ZNF786: variants seen among roughly 807,000 people sequenced by gnomAD.
ZNF786 encodes the protein zinc finger protein 786.
ZNF786 carries 56 observed loss-of-function variants against 63.1 expected under a neutral mutation model. The observed-to-expected ratio is 0.89, with a 90% confidence interval of 0.72 to 1.11. The LOEUF (loss-of-function observed/expected upper bound fraction) is 1.11. ZNF786 is among the 50% of genes least tolerant of loss of function. ZNF786 has a pLI of 0.00. For synonymous variants in ZNF786, 485 were observed against 406.9 expected, an observed-to-expected ratio of 1.19 and a Z score of -2.31; for missense variants, 1,213 against 1,041.8, an observed-to-expected ratio of 1.16 and a Z score of -2.26.
chr7:149,077,606 C>T (rs1478910242), intron 2 of ZNF786, among the ~76,000 whole-genome samples: 3 of 151,706 alleles, frequency 2.0e-5, no homozygotes, highest in South Asian at 2.1e-4. Flanking sequence ...CCAGCCTGGG[C>T]GACAGAGGGA....
rs1390531161 is a variant in ZNF786 at position 149,074,417 on chromosome 7, A to C, written c.267T>G (p.Phe89Leu). Reference protein sequence around the residue: ...NIICSSVDMHFDPGFEEQLFW... With the variant: ...NIICSSVDMHLDPGFEEQLFW... ...ACAGCTGTTCCTCAAAACCTGGATC[A>C]AAATGCATATCAACAGAGGAGCAAA... The change falls in exon 3 of 4, where the codon TTT becomes TTG. Residue 89 changes from phenylalanine (F) to leucine (L), a missense_variant. Phe to Leu is a conservative substitution (Grantham distance 22, BLOSUM62 0). Transcript: ENST00000491431. 1 of 1,613,944 alleles carries C rather than the reference A, an allele frequency of 6.2e-7. No individual in the cohort carries two copies. Among genetic ancestry groups the C allele is most frequent in the East Asian group, 2.2e-5 (1 of 44,884 alleles).
intron 2 of ZNF786, 63 bp from the exon 3 acceptor site, chr7:149,074,601 A>C (rs1047595075): frequency 5.3e-5 from 82 of 1,539,792 alleles, no homozygotes; most frequent in Non-Finnish European, 6.9e-5. Flanking sequence ...TAAGTTTCTA[A>C]ATTTCTCAAC....
chr7:149,073,765 ATATATATATATATATG>A (rs1232668833), intron 3 of ZNF786, among the ~76,000 whole-genome samples: 328 of 108,600 alleles, frequency 3.0e-3, no homozygotes, highest in African/African-American at 8.1e-3. Flanking sequence ...ATATATATAT[ATATATATATATATATG>A]TATATATATA....
chr7:149,080,858 T>A (rs1380421121), intron 1 of ZNF786, 141 bp from the exon 2 acceptor site: 1 of 918,196 alleles, frequency 1.1e-6, no homozygotes, highest in Non-Finnish European at 1.6e-6. Context: ...GAACTACTCC[T>A]TCCTCTACTC....
rs200037643 is a variant in ZNF786, at chr7:149,070,446, T to C, written c.2326A>G (p.Met776Val). ...IKKRLSQLFA[M>V]IEADWS is the part of the protein sequence containing the mutation. ...CCTCAACTCCAATCGGCCTCTATCA[T>C]TGCAAACAGTTGGCTGAGCCTTTTC... Residue 776 changes from methionine to valine, a missense_variant, in exon 4 of 4, where the codon ATG (methionine) becomes GTG (valine). Met to Val is a conservative substitution (Grantham distance 21, BLOSUM62 1). Coordinates refer to ENST00000491431, the MANE Select transcript of ZNF786 (RefSeq NM_152411.4). 3.0e-5 allele frequency: 49 copies of C among 1,613,660 alleles called. No individual in the cohort carries two copies. Among genetic ancestry groups the C allele is most frequent in the African/African-American group, 8.0e-5 (6 of 74,934 alleles).
In ZNF786 at chr7:149,071,389, G is replaced by A; in HGVS notation, c.1383C>T (p.Asn461=). 3 of 1,613,224 alleles carry A rather than the reference G, an allele frequency of 1.9e-6. No individual in the cohort carries two copies. The highest frequency in any genetic ancestry group is 2.7e-5 in the African/African-American group (2 of 74,992). The change falls in exon 4 of 4, where the codon AAC becomes AAT. Residue 461 remains asparagine (N), a synonymous_variant. Coordinates refer to ENST00000491431, the MANE Select transcript of ZNF786 (RefSeq NM_152411.4). ...GCAGCAGCTGTCCCCTCTGACGGAA[G>A]TTCCTGCCACACTTGGCACACCGGA... ...KPFRCAKCGR[N]FRQRGQLLRH... is the part of the protein sequence containing the mutation.
At chr7:149,081,293 G>A (rs1013255754) in intron 1 of ZNF786, 42 of 385,740 alleles carry the variant, frequency 1.1e-4, no homozygotes, top group African/African-American at 6.1e-4. Flanking sequence ...AAAATTAGCC[G>A]GGTGTGGTGG....
intron 1 of ZNF786, among the ~76,000 whole-genome samples, chr7:149,083,108 G>A (rs535977845): frequency 1.3e-5 from 2 of 152,286 alleles, no homozygotes; most frequent in African/African-American, 4.8e-5. Flanking sequence ...ATGTTGGCCA[G>A]GCTGGTCTTG....
intron 2 of ZNF786, among the ~76,000 whole-genome samples, chr7:149,075,017 A>G (rs1825519486): frequency 6.6e-6 from 1 of 151,742 alleles, no homozygotes; most frequent in Non-Finnish European, 1.5e-5. Flanking sequence ...TTTAGTGGAG[A>G]CGGGTTTCAC....
intron 1 of ZNF786, among the ~76,000 whole-genome samples, chr7:149,090,139 G>C (rs919988867): frequency 2.6e-5 from 4 of 152,106 alleles, no homozygotes; most frequent in African/African-American, 9.7e-5. Flanking sequence ...TCTTCCCAAC[G>C]TATCATCTTA....
intron 1 of ZNF786, among the ~76,000 whole-genome samples, chr7:149,089,902 T>A (rs1359026672): frequency 1.2e-4 from 17 of 147,820 alleles, no homozygotes; most frequent in Non-Finnish European, 2.3e-4. Flanking sequence ...TTTAGTAGAG[T>A]TGGGGTTTCA....
chr7:149,070,831 C>A lies in ZNF786; in HGVS notation c.1941G>T (p.Met647Ile), dbSNP rs775537628. ...CCTTGCCGCACTCACAGGAGAAAGG[C>A]ATCTCCCCGCTGTGCAGCAGCTGGT... is the stretch of plus-strand genomic sequence containing the variant. ...KAHQLLHSGE[M>I]PFSCECGKGF... The change falls in exon 4 of 4, where the codon ATG becomes ATT. Residue 647 changes from methionine (M) to isoleucine (I), a missense_variant. Transcript: ENST00000491431. The A allele has an allele frequency of 9.9e-6, 16 of 1,613,748 alleles. No homozygotes were observed. The highest frequency in any genetic ancestry group is 9.9e-5 in the South Asian group (9 of 91,092).
chr7:149,076,804 T>G (rs6971087), intron 2 of ZNF786, among the ~76,000 whole-genome samples: 1,549 of 152,182 alleles, frequency 0.01, 31 homozygotes, highest in African/African-American at 0.035. Context: ...TTTTGAAAAT[T>G]TCTCCATTTT....
Position 149,071,156 on chromosome 7 carries a change from C to T in ZNF786, c.1616G>A (p.Cys539Tyr). The T allele has an allele frequency of 6.2e-7, 1 of 1,612,392 alleles. No individual in the cohort carries two copies. Residue 539 changes from cysteine to tyrosine, a missense_variant, in exon 4 of 4, where the codon TGC (cysteine) becomes TAC (tyrosine). Transcript: ENST00000491431. ...RVHSGERPFQ[C>Y]LKCDKRFRLK... Reference sequence around the variant, plus strand: ...GCGGAAGCGCTTGTCGCACTTCAGGCACTGGAAGGGCCTCTCCCCGCTGTG... The same window carrying T: ...GCGGAAGCGCTTGTCGCACTTCAGGTACTGGAAGGGCCTCTCCCCGCTGTG...
intron 3 of ZNF786, among the ~76,000 whole-genome samples, chr7:149,073,749 A>ATGTG (rs1161845355): frequency 1.1e-4 from 6 of 53,952 alleles, no homozygotes; most frequent in Admixed American, 2.9e-4. Context: ...GTGTGTGTGT[A>ATGTG]TATATATATA....
chr7:149,087,955 A>G (rs774727334), intron 1 of ZNF786, among the ~76,000 whole-genome samples: 10 of 149,232 alleles, frequency 6.7e-5, no homozygotes, highest in Non-Finnish European at 1.2e-4. Flanking sequence ...ACACCTGGCT[A>G]ATTTTCTGTA....
Position 149,070,091 on chromosome 7 carries a change from G to A in ZNF786, c.*332C>T, listed in dbSNP as rs144390331. 903 of 198,446 alleles carry A rather than the reference G, an allele frequency of 4.6e-3. 6 individuals are homozygous for A. The highest frequency in any genetic ancestry group is 0.022 in the Middle Eastern group (9 of 402). 12.3% of individuals were successfully genotyped at this position (198,446 alleles called of 1,614,324 possible). On this transcript the variant is annotated 3_prime_UTR_variant, in exon 4 of 4. Coordinates refer to ENST00000491431, the MANE Select transcript of ZNF786 (RefSeq NM_152411.4). ...ATATAACCTCGTAGAAATTGTTTTC[G>A]TTTGCAGATGCCTCCTTTTTCATAA...
rs562187013 is a variant in ZNF786, at chr7:149,089,010, G to A, written c.18+1613C>T. On this transcript the variant is annotated intron_variant, in intron 1 of 3. Coordinates refer to ENST00000491431, the MANE Select transcript of ZNF786 (RefSeq NM_152411.4). ...CTTGCTCTGTCGCCCAGGCTGGAGT[G>A]CAGTGGCGCGATCTCGGCTCGCTGC... is the stretch of plus-strand genomic sequence containing the variant. Among the ~76,000 whole-genome samples the A allele has an allele frequency of 2.3e-3, 349 of 148,540 alleles. 1 individual carries two copies. Among genetic ancestry groups the A allele is most frequent in the Non-Finnish European group, 4.1e-3 (275 of 67,436 alleles).
In ZNF786 at chr7:149,069,963, T is replaced by C. The variant is rs1455593195; in HGVS notation, c.*460A>G. 3 of 154,818 alleles carry C rather than the reference T, an allele frequency of 1.9e-5. No homozygotes were observed. The highest frequency in any genetic ancestry group is 7.2e-5 in the African/African-American group (3 of 41,462). 9.6% of individuals were successfully genotyped at this position (154,818 alleles called of 1,614,324 possible). A position where few individuals can be genotyped will look rare whatever the true frequency, so the allele number is the denominator to read the frequency against. On this transcript the variant is annotated 3_prime_UTR_variant, in exon 4 of 4. Transcript: ENST00000491431. The stretch of plus-strand genomic sequence containing the variant: ...CAATTACTTTTTAAAATGTCAGAAC[T>C]TCCTTATAATTACACACATATATTT...
Sources: gnomAD v4.1 joint callset for allele counts (sites outside exome capture counted in the v4.1 genomes callset) on GRCh38, gnomAD v4.1.1 for gene constraint, MANE v1.5 for transcripts, NCBI Gene and HGNC (gene_info 2026-07-23, HGNC 2026-07-21) for gene names.